RARB: variants seen among roughly 807,000 people sequenced by gnomAD.
RARB encodes HBV-activated protein.
In RARB, 17 loss-of-function variants were observed where a neutral mutation model predicts 51.9. That is an observed-to-expected ratio of 0.33 (90% CI 0.22 to 0.49). The LOEUF (loss-of-function observed/expected upper bound fraction) is 0.49. Among genes scored for constraint, RARB ranks in the 20% least tolerant of loss-of-function variants. The pLI is 0.99. For synonymous variants in RARB, 215 were observed against 195.4 expected (o/e 1.10, Z -0.84); for missense variants, 369 against 550.8 (o/e 0.67, Z 3.30).
chr3:25,558,869 T>C (rs1012782681), intron 3 of RARB, among the ~76,000 whole-genome samples: 6 of 152,220 alleles, frequency 3.9e-5, no homozygotes, highest in African/African-American at 1.4e-4. Context: ...TTTCATTCTG[T>C]TGCCAAGTCT....
At chr3:24,942,268 C>T (rs1004822358) in intron 2 of RARB, among the ~76,000 whole-genome samples, 5 of 152,154 alleles carry the variant, frequency 3.3e-5, no homozygotes, top group Non-Finnish European at 7.3e-5. Flanking sequence ...ACCAAAATAG[C>T]TCTGTAGCTG....
At chr3:25,330,247 T>A (rs1322695691) in intron 5 of RARB, among the ~76,000 whole-genome samples, 1 of 151,768 alleles carries the variant, frequency 6.6e-6, no homozygotes, top group Non-Finnish European at 1.5e-5. Flanking sequence ...GGAAAAAGTG[T>A]TAAGGGCAGC....
At chr3:25,153,787 G>T (rs1273860353) in intron 4 of RARB, among the ~76,000 whole-genome samples, 1 of 152,086 alleles carries the variant, frequency 6.6e-6, no homozygotes, top group Non-Finnish European at 1.5e-5. Context: ...TTTGATTTTT[G>T]ATACTGCAAG....
intron 3 of RARB, among the ~76,000 whole-genome samples, chr3:25,086,488 C>T (rs891586650): frequency 3.9e-5 from 6 of 152,152 alleles, no homozygotes; most frequent in Non-Finnish European, 8.8e-5. Flanking sequence ...AAGAATCAAA[C>T]TCTGTAAAAT....
Position 25,504,806 on chromosome 3 carries a change from G to A in RARB, c.448+3483G>A, listed in dbSNP as rs565690852. Among the ~76,000 whole-genome samples the A allele has an allele frequency of 1.6e-3, 223 of 143,290 alleles. 1 individual carries two copies. Among genetic ancestry groups the A allele is most frequent in the Admixed American group, 2.9e-3 (40 of 13,782 alleles). The allele number at this position is 143,290 out of a possible 152,430, so 94.0% of individuals were successfully genotyped here. A position where few individuals can be genotyped will look rare whatever the true frequency, so the allele number is the denominator to read the frequency against. On this transcript the variant is annotated intron_variant, in intron 3 of 7. Transcript: ENST00000330688. Reference sequence around the variant, plus strand: ...TTTTTTTTTTTGTGTCACCCAGGCTGGAGTGCAGTGGCGTGATCTCAGCTC... The same window carrying A: ...TTTTTTTTTTTGTGTCACCCAGGCTAGAGTGCAGTGGCGTGATCTCAGCTC...
intron 2 of RARB, among the ~76,000 whole-genome samples, chr3:24,972,566 C>T (rs1222719225): frequency 1.3e-5 from 2 of 151,940 alleles, no homozygotes; most frequent in African/African-American, 4.8e-5. Flanking sequence ...AACCTCTGTA[C>T]AGTTTTCTAT....
At chr3:25,310,303 T>C (rs1559352808) in intron 5 of RARB, among the ~76,000 whole-genome samples, 1 of 152,234 alleles carries the variant, frequency 6.6e-6, no homozygotes, top group Non-Finnish European at 1.5e-5. Flanking sequence ...TTTTAAGTGG[T>C]TGAGGTTTGA....
At chr3:25,283,228 C>T (rs1204657717) in intron 5 of RARB, among the ~76,000 whole-genome samples, 1 of 152,300 alleles carries the variant, frequency 6.6e-6, no homozygotes, top group East Asian at 1.9e-4. Context: ...GCTCTGTCCT[C>T]TCTTAGAATG....
chr3:25,343,310 T>C (rs1319695289), intron 5 of RARB, among the ~76,000 whole-genome samples: 1 of 152,130 alleles, frequency 6.6e-6, no homozygotes, highest in Non-Finnish European at 1.5e-5. Context: ...AAGAGTGCCA[T>C]GCCTATAGCA....
chr3:24,940,565 T>G (rs1039152198), intron 2 of RARB, among the ~76,000 whole-genome samples: 8 of 152,190 alleles, frequency 5.3e-5, no homozygotes, highest in African/African-American at 1.9e-4. Context: ...CTTTCCTATG[T>G]TTTTTCCTTG....
At chr3:25,297,285 A>G (rs1430845705) in intron 5 of RARB, among the ~76,000 whole-genome samples, 2 of 152,202 alleles carry the variant, frequency 1.3e-5, no homozygotes, top group African/African-American at 4.8e-5. Context: ...AATTAGACCT[A>G]TAACTGAAAC....
At chr3:25,486,821 A>G (rs536813068) in intron 2 of RARB, among the ~76,000 whole-genome samples, 1 of 152,306 alleles carries the variant, frequency 6.6e-6, no homozygotes, top group African/African-American at 2.4e-5. Flanking sequence ...TTGAATTTCT[A>G]ATAATGAATC....
At chr3:24,993,762 ACT>A (rs1696964045) in intron 2 of RARB, among the ~76,000 whole-genome samples, 1 of 152,132 alleles carries the variant, frequency 6.6e-6, no homozygotes, top group South Asian at 2.1e-4. Context: ...GTGGTATTTA[ACT>A]CTCTGTTCCT....
chr3:25,374,050 T>C (rs80118256), intron 5 of RARB, among the ~76,000 whole-genome samples: 5,304 of 152,194 alleles, frequency 0.035, 120 homozygotes, highest in Middle Eastern at 0.065. Context: ...CACTGACAGA[T>C]AAAGTCATGT....
At chr3:25,387,554 T>C (rs1225879981) in intron 5 of RARB, among the ~76,000 whole-genome samples, 1 of 152,092 alleles carries the variant, frequency 6.6e-6, no homozygotes, top group Non-Finnish European at 1.5e-5. Flanking sequence ...TCCACAACTT[T>C]CTCTAGTGTA....
intron 1 of RARB, among the ~76,000 whole-genome samples, chr3:25,432,053 A>C (rs1708230654): frequency 6.6e-6 from 1 of 152,140 alleles, no homozygotes; most frequent in Admixed American, 6.5e-5. Context: ...GTAGGACATA[A>C]TTTTCTGCTT....
chr3:25,108,223 G>C (rs1699542010), intron 3 of RARB, among the ~76,000 whole-genome samples: 1 of 152,076 alleles, frequency 6.6e-6, no homozygotes, highest in South Asian at 2.1e-4. Context: ...TAACATTTTG[G>C]ACGATGGTTG....
intron 5 of RARB, among the ~76,000 whole-genome samples, chr3:25,360,818 T>C (rs1311267015): frequency 6.6e-6 from 1 of 152,192 alleles, no homozygotes; most frequent in Non-Finnish European, 1.5e-5. Context: ...TACTCTCTTC[T>C]GGCTTGTAGG....
chr3:25,543,763 C>T (rs770531968), intron 3 of RARB, among the ~76,000 whole-genome samples: 14 of 152,138 alleles, frequency 9.2e-5, no homozygotes, highest in Non-Finnish European at 1.5e-4. Context: ...GTCAGCTCCC[C>T]ACAGGGAGGA....
Sources: gnomAD v4.1 joint callset for allele counts (sites outside exome capture counted in the v4.1 genomes callset) on GRCh38, gnomAD v4.1.1 for gene constraint, MANE v1.5 for transcripts, NCBI Gene and HGNC (gene_info 2026-07-23, HGNC 2026-07-21) for gene names.